The following WNT7A variants were observed in gnomAD, a reference collection of about 807,000 sequenced individuals.
WNT7A encodes the protein protein Wnt-7a.
A neutral mutation model predicts 28.2 loss-of-function variants in WNT7A; 16 were observed. The observed-to-expected ratio is 0.57, with a 90% confidence interval of 0.38 to 0.86. The LOEUF is 0.86. WNT7A is among the 40% of genes least tolerant of loss of function. WNT7A has a pLI of 0.00. For synonymous variants in WNT7A, 190 were observed against 195.9 expected (o/e 0.97, Z 0.25); for missense variants, 411 against 489.7 (o/e 0.84, Z 1.52).
intron 1 of WNT7A, among the ~76,000 whole-genome samples, chr3:13,878,256 T>TC (rs1446559567): frequency 6.6e-6 from 1 of 151,478 alleles, no homozygotes; most frequent in African/African-American, 2.4e-5. Flanking sequence ...CCTTTCTGTC[T>TC]CCCCCGCCAC....
At chr3:13,826,857 AC>A (rs1694204252) in intron 3 of WNT7A, among the ~76,000 whole-genome samples, 1 of 152,176 alleles carries the variant, frequency 6.6e-6, no homozygotes, top group African/African-American at 2.4e-5. Context: ...AAAAGCCAAC[AC>A]TCTGGGGCCA....
chr3:13,862,408 C>T (rs1694844940), intron 2 of WNT7A, among the ~76,000 whole-genome samples: 1 of 152,258 alleles, frequency 6.6e-6, no homozygotes. Context: ...CGGTATCTTA[C>T]TGGAAACCAC....
chr3:13,879,721 C>A (rs766961987), intron 1 of WNT7A, 25 bp downstream of exon 1: 2 of 1,609,450 alleles, frequency 1.2e-6, no homozygotes, highest in South Asian at 2.2e-5. Flanking sequence ...GAAACACGCG[C>A]GGAAAGGGCG....
chr3:13,819,015 T>C lies in WNT7A; in HGVS notation c.979A>G (p.Lys327Glu). 1.2e-6 allele frequency: 2 copies of C among 1,611,628 alleles called. No homozygotes were observed. The highest frequency in any genetic ancestry group is 1.7e-6 in the Non-Finnish European group (2 of 1,177,956). Residue 327 changes from lysine to glutamate, a missense_variant, in exon 4 of 4, where the codon AAG becomes GAG. By Grantham distance (56) the Lys-to-Glu change is moderately conservative. Coordinates refer to ENST00000285018, the MANE Select transcript of WNT7A (RefSeq NM_004625.4). ...TTGACATAGCAGCACCAGTGGAACT[T>C]ACAGTTGCACTGCCACACGCGGGCG... Reference protein sequence around the residue: ...QYARVWQCNCKFHWCCYVKCN... With the variant: ...QYARVWQCNCEFHWCCYVKCN...
intron 2 of WNT7A, among the ~76,000 whole-genome samples, chr3:13,855,629 T>C (rs1694716723): frequency 6.6e-6 from 1 of 152,200 alleles, no homozygotes; most frequent in South Asian, 2.1e-4. Context: ...AATATGGTGC[T>C]GCCACCTCGC....
intron 2 of WNT7A, among the ~76,000 whole-genome samples, chr3:13,861,136 G>A (rs1694821635): frequency 6.6e-6 from 1 of 152,176 alleles, no homozygotes; most frequent in Admixed American, 6.5e-5. Context: ...AACCATTCCA[G>A]TCCTACTGAC....
chr3:13,861,963 C>T (rs1456356345), intron 2 of WNT7A, among the ~76,000 whole-genome samples: 2 of 152,188 alleles, frequency 1.3e-5, no homozygotes, highest in African/African-American at 4.8e-5. Flanking sequence ...GCCAAGAGAC[C>T]TTCCCTCCTG....
chr3:13,854,372 A>G (rs1694691776), intron 3 of WNT7A, among the ~76,000 whole-genome samples, 160 bp downstream of exon 3: 1 of 152,134 alleles, frequency 6.6e-6, no homozygotes, highest in Admixed American at 6.5e-5. Context: ...TGCCATACAC[A>G]AATCCTGACC....
In WNT7A at chr3:13,817,464, ACACACACCG is replaced by A. The variant is rs1694024332; in HGVS notation, c.*1471_*1479del. The A allele has an allele frequency of 7.8e-6, 1 of 128,472 alleles. No individual in the cohort carries two copies. Among genetic ancestry groups the A allele is most frequent in the Non-Finnish European group, 1.6e-5 (1 of 61,964 alleles). The allele number at this position is 128,472 out of a possible 1,614,324, so 8.0% of individuals were successfully genotyped here. ...CACACACACACACACACACACACAC[ACACACACCG>A]GAAATGCAAACGGACACATATTAGA... On this transcript the variant is annotated 3_prime_UTR_variant, in exon 4 of 4. Coordinates refer to ENST00000285018, the MANE Select transcript of WNT7A (RefSeq NM_004625.4).
At chr3:13,846,214 G>C (rs1341705524) in intron 3 of WNT7A, among the ~76,000 whole-genome samples, 2 of 152,250 alleles carry the variant, frequency 1.3e-5, no homozygotes, top group Admixed American at 1.3e-4. Context: ...TGACCACATA[G>C]TGGGGCCTTC....
intron 3 of WNT7A, among the ~76,000 whole-genome samples, chr3:13,850,882 C>T (rs1191849709): frequency 6.6e-6 from 1 of 152,084 alleles, no homozygotes; most frequent in African/African-American, 2.4e-5. Context: ...CCAGAAGGCC[C>T]AGGTTCTTCT....
Position 13,818,788 on chromosome 3 carries a change from T to G in WNT7A, c.*156A>C, listed in dbSNP as rs117125697. 2.5e-6 allele frequency: 3 copies of G among 1,186,526 alleles called. No individual in the cohort carries two copies. The East Asian group carries it at 7.8e-5, about 31-fold the overall frequency. The allele number at this position is 1,186,526 out of a possible 1,614,324, so 73.5% of individuals were successfully genotyped here. A position where few individuals can be genotyped will look rare whatever the true frequency, so the allele number is the denominator to read the frequency against. ...AATAGTTGAGGGCTCTGAGAGATTT[T>G]TTTTCCCCCACGGATGCCTGCAGGA... is the stretch of plus-strand genomic sequence containing the variant. On this transcript the variant is annotated 3_prime_UTR_variant, in exon 4 of 4. Transcript: ENST00000285018.
At chr3:13,848,596 G>A (rs1694577194) in intron 3 of WNT7A, among the ~76,000 whole-genome samples, 1 of 152,324 alleles carries the variant, frequency 6.6e-6, no homozygotes, top group South Asian at 2.1e-4. Context: ...ATGCTGGTGA[G>A]GATGTGGAGC....
At chr3:13,868,832 GA>G (rs1184416682) in intron 2 of WNT7A, among the ~76,000 whole-genome samples, 1 of 66,862 alleles carries the variant, frequency 1.5e-5, no homozygotes, top group Non-Finnish European at 3.4e-5. Context: ...GAGAAAGAGA[GA>G]AAGAGAGAGA....
chr3:13,879,986 G>A lies in WNT7A; in HGVS notation c.-170C>T. 1 of 426,658 alleles carries A rather than the reference G, an allele frequency of 2.3e-6. No homozygotes were observed. Among genetic ancestry groups the A allele is most frequent in the Non-Finnish European group, 3.9e-6 (1 of 253,300 alleles). 26.4% of individuals were successfully genotyped at this position (426,658 alleles called of 1,614,324 possible). ...CGCGCCTGAGCCTCGCCAGGAGCAC[G>A]GGAGCCACGGAGCGGGAGGAGGGAG... On this transcript the variant is annotated 5_prime_UTR_variant, in exon 1 of 4. Coordinates refer to ENST00000285018, the MANE Select transcript of WNT7A (RefSeq NM_004625.4).
At chr3:13,832,699 A>G (rs1019510018) in intron 3 of WNT7A, among the ~76,000 whole-genome samples, 1 of 151,046 alleles carries the variant, frequency 6.6e-6, no homozygotes, top group Admixed American at 6.6e-5. Flanking sequence ...TTTTTGGTGC[A>G]TTCTTTAAGT....
At chr3:13,871,157 T>C (rs1241765202) in intron 2 of WNT7A, among the ~76,000 whole-genome samples, 1 of 152,174 alleles carries the variant, frequency 6.6e-6, no homozygotes, top group Non-Finnish European at 1.5e-5. Context: ...AGCAGAAGTA[T>C]GGGGTGGAGC....
Position 13,879,734 on chromosome 3 carries a change from G to GGCA in WNT7A, c.71+9_71+11dup. ...TCGAAACACGCGCGGAAAGGGCGCA[G>GGCA]GCAGCCCTTACCCGATCCGGAGGTA... On this transcript the variant is annotated intron_variant, in intron 1 of 3. Coordinates refer to ENST00000285018, the MANE Select transcript of WNT7A (RefSeq NM_004625.4). The GGCA allele has an allele frequency of 6.2e-7, 1 of 1,611,238 alleles. No homozygotes were observed.
intron 3 of WNT7A, among the ~76,000 whole-genome samples, chr3:13,846,462 C>T (rs1236581864): frequency 6.6e-6 from 1 of 152,170 alleles, no homozygotes; most frequent in Non-Finnish European, 1.5e-5. Context: ...AAGCAACTTT[C>T]TTAACCTCTC....
Sources: allele counts gnomAD v4.1 joint callset (sites outside exome capture counted in the v4.1 genomes callset), GRCh38; gene constraint gnomAD v4.1.1; transcripts MANE v1.5; gene names NCBI Gene and HGNC (gene_info 2026-07-23, HGNC 2026-07-21).